The following PLA2G5 variants were observed in gnomAD, a reference collection of about 807,000 sequenced individuals.
PLA2G5 encodes the protein phospholipase A2 group V.
In PLA2G5, 12 loss-of-function variants were observed where a neutral mutation model predicts 15.9. That is an observed-to-expected ratio of 0.76 (90% CI 0.48 to 1.23). PLA2G5 has a LOEUF of 1.23. Among genes scored for constraint, PLA2G5 ranks in the 50% most tolerant of loss-of-function variants. The probability of loss-of-function intolerance (pLI) is 0.00; values close to 1 mark genes in which losing one functional copy is unlikely to be tolerated. For synonymous variants in PLA2G5, 71 were observed against 71.4 expected (o/e 0.99, Z 0.03); for missense variants, 169 against 177.1 (o/e 0.95, Z 0.26).
chr1:20,070,540 G>C (rs1018211424), intron 1 of PLA2G5, 75 bp downstream of exon 1: 2 of 914,480 alleles, frequency 2.2e-6, no homozygotes, highest in Admixed American at 6.2e-5. Context: ...ACTGGAGAAG[G>C]GGGTGTGTGG....
rs11581673 is a variant in PLA2G5 at position 20,079,816 on chromosome 1, T to G, written c.-10-5005T>G. 9.3e-3 allele frequency among the ~76,000 whole-genome samples: 1,415 copies of G among 152,272 alleles called. 10 individuals carry two copies. Among genetic ancestry groups the G allele is most frequent in the African/African-American group, 0.032 (1,336 of 41,556 alleles). On this transcript the variant is annotated intron_variant, in intron 1 of 4. Transcript: ENST00000375108. Reference sequence around the variant, plus strand: ...GGCTGAGCTGGGACTCCAGCTTGCATCTCTCTAACCGCAAGCCTGGCACTT... The same window carrying G: ...GGCTGAGCTGGGACTCCAGCTTGCAGCTCTCTAACCGCAAGCCTGGCACTT...
At chr1:20,040,200 A>G (rs973881641) in intron 1 of PLA2G5, among the ~76,000 whole-genome samples, 1 of 152,120 alleles carries the variant, frequency 6.6e-6, no homozygotes, top group Non-Finnish European at 1.5e-5. Context: ...AAGCTATACT[A>G]TATGTCCTTT....
chr1:20,034,236 C>T (rs1397011249), intron 1 of PLA2G5, among the ~76,000 whole-genome samples: 2 of 151,986 alleles, frequency 1.3e-5, no homozygotes, highest in African/African-American at 2.4e-5. Flanking sequence ...TTGGTGAAGG[C>T]CTGTTCGAAT....
chr1:20,087,136 GT>G (rs2016332075), intron 3 of PLA2G5, among the ~76,000 whole-genome samples: 1 of 152,178 alleles, frequency 6.6e-6, no homozygotes, highest in South Asian at 2.1e-4. Context: ...GTATGCATAG[GT>G]AGCAGTATGC....
intron 1 of PLA2G5, among the ~76,000 whole-genome samples, chr1:20,036,210 T>C (rs997180402): frequency 2.0e-5 from 3 of 152,226 alleles, no homozygotes; most frequent in African/African-American, 7.2e-5. Flanking sequence ...CTGATAATTA[T>C]ATGTCTAGGT....
exon 1 of PLA2G5, chr1:20,028,563 T>C (rs1017581505): frequency 6.6e-6 from 1 of 152,214 alleles, no homozygotes; most frequent in African/African-American, 2.4e-5. Context: ...GTTTGGGTTT[T>C]GAAGTAGTGG....
intron 1 of PLA2G5, among the ~76,000 whole-genome samples, chr1:20,042,732 G>A (rs1458262733): frequency 6.6e-6 from 1 of 152,162 alleles, no homozygotes; most frequent in Non-Finnish European, 1.5e-5. Context: ...GAAAGCAGCT[G>A]TTACTTTGTA....
chr1:20,090,556 G>A lies in PLA2G5; in HGVS notation c.293-12G>A. 6.2e-7 allele frequency: 1 copy of A among 1,614,076 alleles called. No individual in the cohort carries two copies. Among genetic ancestry groups the A allele is most frequent in the South Asian group, 1.1e-5 (1 of 91,084 alleles). On this transcript the variant is annotated splice_polypyrimidine_tract_variant and intron_variant, in intron 4 of 4. Coordinates refer to ENST00000375108, the MANE Select transcript of PLA2G5 (RefSeq NM_000929.3). ...TTCCCACCCTCATTCTGCTCTTGGT[G>A]TCCTTTTGCAGAGCCCGGGCCCTTC...
At chr1:20,053,900 T>C (rs970980781) in intron 1 of PLA2G5, among the ~76,000 whole-genome samples, 1 of 152,246 alleles carries the variant, frequency 6.6e-6, no homozygotes, top group Non-Finnish European at 1.5e-5. Context: ...TATAGTACCA[T>C]ACTACACAAA....
intron 1 of PLA2G5, among the ~76,000 whole-genome samples, chr1:20,034,367 A>C (rs1038235812): frequency 6.6e-6 from 1 of 152,204 alleles, no homozygotes; most frequent in Non-Finnish European, 1.5e-5. Context: ...AGGGAATAGT[A>C]AAAAAGGCAT....
At chr1:20,075,517 A>C (rs11573213) in intron 1 of PLA2G5, among the ~76,000 whole-genome samples, 85 of 152,322 alleles carry the variant, frequency 5.6e-4, no homozygotes, top group Non-Finnish European at 1.1e-3. Context: ...CATGATGGTG[A>C]ACTAAGGCAC....
upstream of PLA2G5, among the ~76,000 whole-genome samples, chr1:20,066,516 T>C (rs547204200): frequency 6.6e-6 from 1 of 152,382 alleles, no homozygotes; most frequent in East Asian, 1.9e-4. Context: ...TGGCAGACTC[T>C]ACAAATCAGG....
chr1:20,086,954 G>A (rs949830268), intron 3 of PLA2G5, among the ~76,000 whole-genome samples: 1 of 152,214 alleles, frequency 6.6e-6, no homozygotes, highest in Non-Finnish European at 1.5e-5. Flanking sequence ...ATAAAGGAAA[G>A]GGATGATTAA....
At position 20,090,685 on chromosome 1, in the gene PLA2G5, G is replaced by T. The variant is rs762317094; in HGVS notation, c.410G>T (p.Cys137Phe). 1 of 1,613,996 alleles carries T rather than the reference G, an allele frequency of 6.2e-7. No homozygotes were observed. The highest frequency in any genetic ancestry group is 8.5e-7 in the Non-Finnish European group (1 of 1,179,998). ...PQYQYFPNIL[C>F]S ...TACCAATACTTTCCCAACATCCTCT[G>T]CTCCTAGGCCTCCCCAGCGAGCTCC... The change falls in exon 5 of 5, where the codon TGC (cysteine) becomes TTC (phenylalanine). Residue 137 changes from cysteine (C) to phenylalanine (F), a missense_variant. By Grantham distance (205) the Cys-to-Phe change is radical (BLOSUM62 -2). Transcript: ENST00000375108.
intron 2 of PLA2G5, among the ~76,000 whole-genome samples, chr1:20,085,590 G>C (rs1422141946): frequency 6.6e-6 from 1 of 152,192 alleles, no homozygotes; most frequent in Non-Finnish European, 1.5e-5. Context: ...AAGGGTGTGA[G>C]GGGAGGGAGT....
intron 1 of PLA2G5, among the ~76,000 whole-genome samples, chr1:20,034,469 C>G (rs1229021080): frequency 6.6e-6 from 1 of 152,128 alleles, no homozygotes; most frequent in Admixed American, 6.5e-5. Context: ...GGATTGGAAC[C>G]ACTGCCTGGT....
intron 1 of PLA2G5, among the ~76,000 whole-genome samples, chr1:20,072,510 A>G (rs2015431513): frequency 6.6e-6 from 1 of 152,172 alleles, no homozygotes; most frequent in Non-Finnish European, 1.5e-5. Context: ...AGAGAAAGAG[A>G]GAGAGAGATT....
chr1:20,071,246 T>A (rs942530012), intron 1 of PLA2G5, among the ~76,000 whole-genome samples: 4 of 152,210 alleles, frequency 2.6e-5, no homozygotes, highest in African/African-American at 9.6e-5. Flanking sequence ...TAGTGTGGTA[T>A]CTGGGCTCAA....
intron 1 of PLA2G5, among the ~76,000 whole-genome samples, chr1:20,044,608 A>T (rs902176850): frequency 1.1e-4 from 16 of 152,188 alleles, no homozygotes; most frequent in African/African-American, 3.9e-4. Context: ...AAAAAGGAGC[A>T]TTAACCTTGA....
Sources: allele counts gnomAD v4.1 joint callset (sites outside exome capture counted in the v4.1 genomes callset), GRCh38; gene constraint gnomAD v4.1.1; transcripts MANE v1.5; gene names NCBI Gene and HGNC (gene_info 2026-07-23, HGNC 2026-07-21).